Variants in NOL4L observed in about 807,000 individuals in gnomAD.
NOL4L encodes the protein nucleolar protein 4-like.
NOL4L carries 7 observed loss-of-function variants against 64.5 expected under a neutral mutation model. The ratio of observed to expected loss-of-function variants is 0.11; its 90% CI spans 0.06 to 0.20. NOL4L has a LOEUF of 0.20. Among genes scored for constraint, NOL4L ranks in the 10% least tolerant of loss-of-function variants. The pLI is 1.00. For synonymous variants in NOL4L, 413 were observed against 401.0 expected, an observed-to-expected ratio of 1.03 and a Z score of -0.36; for missense variants, 680 against 967.1, an observed-to-expected ratio of 0.70 and a Z score of 3.94.
At chr20:32,561,656 G>A (rs974687985) in intron 1 of NOL4L, among the ~76,000 whole-genome samples, 8 of 152,178 alleles carry the variant, frequency 5.3e-5, no homozygotes, top group Non-Finnish European at 1.0e-4. Flanking sequence ...TTGGGGACAG[G>A]AGTGTGGAGG....
At chr20:32,532,030 G>A (rs1006276544) in intron 1 of NOL4L, among the ~76,000 whole-genome samples, 14 of 152,110 alleles carry the variant, frequency 9.2e-5, no homozygotes, top group African/African-American at 3.1e-4. Context: ...AAAACGTACT[G>A]TCCCATGTGG....
rs1251732843 is a variant in NOL4L at position 32,443,826 on chromosome 20, C to T, written c.*3770G>A. 1 of 152,238 alleles carries T rather than the reference C, an allele frequency of 6.6e-6. No individual in the cohort carries two copies. The highest frequency in any genetic ancestry group is 1.5e-5 in the Non-Finnish European group (1 of 68,098). The allele number at this position is 152,238 out of a possible 1,614,324, so 9.4% of individuals were successfully genotyped here. A position where few individuals can be genotyped will look rare whatever the true frequency, so the allele number is the denominator to read the frequency against. On this transcript the variant is annotated 3_prime_UTR_variant, in exon 11 of 11. Coordinates refer to ENST00000621426, the MANE Select transcript of NOL4L (RefSeq NM_001256798.2). ...AGCTCTGCAGCAAAGTCCTGCCTTC[C>T]CTTTTCCTCTGTCCATGCAGTTACC...
chr20:32,485,088 C>CAA (rs1355588607), intron 4 of NOL4L, among the ~76,000 whole-genome samples: 3 of 53,432 alleles, frequency 5.6e-5, no homozygotes, highest in African/African-American at 2.3e-4. Context: ...AAAAAAAAAA[C>CAA]AACTAAAAAA....
rs950511839 is a variant in NOL4L, at chr20:32,583,313, G to A, written c.321+1257C>T. ...CGCGGCCCCCTCACCCCGCGGGCCC[G>A]GCCCGGGCGGCCGCGGAGGGGGAGG... On this transcript the variant is annotated intron_variant, in intron 1 of 10. Transcript: ENST00000621426. Among the ~76,000 whole-genome samples the A allele has an allele frequency of 9.9e-5, 15 of 150,904 alleles. No homozygotes were observed. In the East Asian group the frequency reaches 3.0e-3, roughly 30 times the overall value.
chr20:32,573,149 G>C (rs970942777), intron 1 of NOL4L, among the ~76,000 whole-genome samples: 2 of 151,830 alleles, frequency 1.3e-5, no homozygotes, highest in African/African-American at 4.8e-5. Flanking sequence ...AGTGTAGCTG[G>C]GACCACAGGC....
At chr20:32,524,848 A>T (rs2018072234) in intron 2 of NOL4L, among the ~76,000 whole-genome samples, 1 of 152,320 alleles carries the variant, frequency 6.6e-6, no homozygotes, top group East Asian at 1.9e-4. Context: ...CCCCCAAAAA[A>T]GGAAAAGGGT....
intron 1 of NOL4L, chr20:32,533,574 G>T (rs976749935): frequency 2.0e-5 from 3 of 152,132 alleles, no homozygotes; most frequent in Admixed American, 2.0e-4. Context: ...TCCGATGAAG[G>T]CCAATTTTCC....
chr20:32,558,640 T>A (rs1978810539), intron 1 of NOL4L, among the ~76,000 whole-genome samples: 1 of 152,174 alleles, frequency 6.6e-6, no homozygotes, highest in Non-Finnish European at 1.5e-5. Context: ...GGATTCCAGC[T>A]GCACCAGCAG....
chr20:32,496,597 C>A (rs987188590), intron 4 of NOL4L, among the ~76,000 whole-genome samples: 1 of 151,746 alleles, frequency 6.6e-6, no homozygotes, highest in Non-Finnish European at 1.5e-5. Context: ...GTTGCCCAAG[C>A]TGGAGTACAG....
chr20:32,583,821 C>G (rs1254172314), intron 1 of NOL4L, among the ~76,000 whole-genome samples: 2 of 149,080 alleles, frequency 1.3e-5, no homozygotes, highest in African/African-American at 4.9e-5. Context: ...CCACGCCACC[C>G]CGCCCGGACC....
At chr20:32,488,823 TTCTTTTTCTTTCTTTCTTTCTTTC>T (rs1568648722) in intron 4 of NOL4L, among the ~76,000 whole-genome samples, 91 of 17,612 alleles carry the variant, frequency 5.2e-3, no homozygotes, top group Admixed American at 7.8e-3. Context: ...CTTTCTTTCT[TTCTTTTTCTTTCTTTCTTTCTTTC>T]TTTCTTTCTT....
intron 1 of NOL4L, among the ~76,000 whole-genome samples, chr20:32,529,007 C>T (rs1057165078): frequency 3.9e-5 from 6 of 152,224 alleles, no homozygotes; most frequent in African/African-American, 1.4e-4. Flanking sequence ...ATGTGGGCTT[C>T]GCCTGCTCCT....
At chr20:32,530,894 C>A (rs1330408704) in intron 1 of NOL4L, among the ~76,000 whole-genome samples, 1 of 151,778 alleles carries the variant, frequency 6.6e-6, no homozygotes, top group Non-Finnish European at 1.5e-5. Context: ...GCACTCTAGC[C>A]TGGGCAACAA....
At chr20:32,553,777 C>G (rs1359526298) in intron 1 of NOL4L, among the ~76,000 whole-genome samples, 2 of 152,132 alleles carry the variant, frequency 1.3e-5, no homozygotes, top group Admixed American at 1.3e-4. Flanking sequence ...GGAGACATGA[C>G]AGCTAAATGT....
intron 1 of NOL4L, among the ~76,000 whole-genome samples, chr20:32,556,879 C>G (rs549754731): frequency 1.3e-5 from 2 of 152,346 alleles, no homozygotes; most frequent in East Asian, 3.9e-4. Flanking sequence ...CACACGGCCA[C>G]CTTGCTCCTT....
intron 1 of NOL4L, among the ~76,000 whole-genome samples, chr20:32,532,633 C>T (rs1464223284): frequency 6.6e-6 from 1 of 152,194 alleles, no homozygotes; most frequent in Non-Finnish European, 1.5e-5. Context: ...CCTGCCATCC[C>T]CCTTCTGCCT....
intron 1 of NOL4L, chr20:32,532,317 C>T (rs1398843557): frequency 2.2e-5 from 22 of 983,982 alleles, no homozygotes; most frequent in Non-Finnish European, 2.5e-5. Flanking sequence ...AGAGCCATAC[C>T]TTGAACTGTC....
chr20:32,461,428 T>C (rs574667952), intron 5 of NOL4L, among the ~76,000 whole-genome samples: 6 of 146,858 alleles, frequency 4.1e-5, no homozygotes, highest in Non-Finnish European at 7.5e-5. Context: ...TTTCTTTTTT[T>C]TTTTTTTTTT....
intron 3 of NOL4L, among the ~76,000 whole-genome samples, chr20:32,513,384 C>G (rs891484549): frequency 6.6e-6 from 1 of 152,130 alleles, no homozygotes; most frequent in Non-Finnish European, 1.5e-5. Flanking sequence ...TCTACTTACA[C>G]GAAATACTTA....
Sources: allele counts gnomAD v4.1 joint callset (sites outside exome capture counted in the v4.1 genomes callset), GRCh38; gene constraint gnomAD v4.1.1; transcripts MANE v1.5; gene names NCBI Gene and HGNC (gene_info 2026-07-23, HGNC 2026-07-21).